TMEM30A: variants seen among roughly 807,000 people sequenced by gnomAD.
TMEM30A encodes cell division cycle 50 P4-ATPase accessory subunit A, also known as cell cycle control protein 50A.
In TMEM30A, 24 loss-of-function variants were observed where a neutral mutation model predicts 38.2. The observed-to-expected ratio is 0.63, with a 90% CI of 0.46 to 0.88. The LOEUF (loss-of-function observed/expected upper bound fraction) is 0.88. Ranked by LOEUF, TMEM30A falls within the 40% of genes least tolerant of loss-of-function variation. The pLI, the probability that TMEM30A is intolerant of heterozygous loss-of-function variation, is 0.00. For synonymous variants in TMEM30A, 145 were observed against 161.6 expected (o/e 0.90, Z 0.78); for missense variants, 370 against 458.6 (o/e 0.81, Z 1.77).
intron 3 of TMEM30A, 58 bp from the exon 4 acceptor site, chr6:75,260,969 TG>T: frequency 8.4e-7 from 1 of 1,187,324 alleles, no homozygotes; most frequent in Non-Finnish European, 1.2e-6. Flanking sequence ...GGGAGAACTA[TG>T]AGCTATCCCT....
At chr6:75,267,589 T>G in intron 2 of TMEM30A, 52 bp downstream of exon 2, 1 of 1,267,614 alleles carries the variant, frequency 7.9e-7, no homozygotes, top group Non-Finnish European at 1.1e-6. Flanking sequence ...TAGTACAGTA[T>G]CAGTATTTTT....
At chr6:75,258,182 G>A (rs240381) in intron 6 of TMEM30A, among the ~76,000 whole-genome samples, 144,438 of 152,288 alleles carry the variant, frequency 0.95, 68,515 homozygotes, top group East Asian at 0.98. Context: ...ATTCTGGTCT[G>A]TAATAGGGAG....
chr6:75,262,214 G>C (rs1441937146), intron 3 of TMEM30A, among the ~76,000 whole-genome samples: 1 of 152,150 alleles, frequency 6.6e-6, no homozygotes, highest in Non-Finnish European at 1.5e-5. Context: ...AGGCATGGTG[G>C]CGTGCACCTT....
intron 3 of TMEM30A, among the ~76,000 whole-genome samples, chr6:75,263,937 G>A (rs1772016617): frequency 6.6e-6 from 1 of 152,080 alleles, no homozygotes; most frequent in Non-Finnish European, 1.5e-5. Context: ...ACCATTTCTG[G>A]GGTTTTGGAA....
At chr6:75,277,458 G>A (rs1181995275) in intron 1 of TMEM30A, among the ~76,000 whole-genome samples, 1 of 152,150 alleles carries the variant, frequency 6.6e-6, no homozygotes, top group Non-Finnish European at 1.5e-5. Context: ...ATACAATTAA[G>A]CCAGACACAG....
chr6:75,272,577 G>A (rs1376255890), intron 1 of TMEM30A: 1 of 152,204 alleles, frequency 6.6e-6, no homozygotes, highest in Non-Finnish European at 1.5e-5. Flanking sequence ...AAATGCATAA[G>A]GGATAAATAT....
chr6:75,275,645 T>C (rs1428538308), intron 1 of TMEM30A, among the ~76,000 whole-genome samples: 3 of 152,242 alleles, frequency 2.0e-5, no homozygotes. Flanking sequence ...TTAGCTCTAC[T>C]TTCATAAATA....
intron 1 of TMEM30A, among the ~76,000 whole-genome samples, chr6:75,268,545 T>A (rs578009167): frequency 5.7e-4 from 87 of 152,280 alleles, no homozygotes; most frequent in African/African-American, 2.0e-3. Flanking sequence ...TCCACTAATG[T>A]GCTGGGAGGG....
intron 1 of TMEM30A, among the ~76,000 whole-genome samples, chr6:75,276,190 C>T (rs1480870010): frequency 6.6e-6 from 1 of 152,224 alleles, no homozygotes; most frequent in Non-Finnish European, 1.5e-5. Context: ...CAAACATCTC[C>T]TTTTACATCT....
chr6:75,269,776 C>A (rs776775380), intron 1 of TMEM30A, among the ~76,000 whole-genome samples: 1 of 152,206 alleles, frequency 6.6e-6, no homozygotes, highest in Middle Eastern at 3.4e-3. Flanking sequence ...CTCACTGCAA[C>A]CTCCGCCTCC....
chr6:75,265,142 T>C, intron 3 of TMEM30A, 89 bp downstream of exon 3: 1 of 832,936 alleles, frequency 1.2e-6, no homozygotes, highest in Non-Finnish European at 1.8e-6. Flanking sequence ...TGACAACACT[T>C]TAATTTCATC....
intron 1 of TMEM30A, among the ~76,000 whole-genome samples, chr6:75,281,624 G>A (rs1030840315): frequency 8.6e-5 from 13 of 152,030 alleles, no homozygotes; most frequent in African/African-American, 1.2e-4. Context: ...ACATTTCTGC[G>A]GGAATGAGAA....
chr6:75,278,402 G>C (rs1772296976), intron 1 of TMEM30A, among the ~76,000 whole-genome samples: 1 of 152,130 alleles, frequency 6.6e-6, no homozygotes, highest in Admixed American at 6.5e-5. Flanking sequence ...AGCCTCCCTT[G>C]TAGCTTGTGT....
At chr6:75,260,968 A>C in intron 3 of TMEM30A, 57 bp from the exon 4 acceptor site, 1 of 1,199,220 alleles carries the variant, frequency 8.3e-7, no homozygotes, top group Non-Finnish European at 1.2e-6. Flanking sequence ...TGGGAGAACT[A>C]TGAGCTATCC....
Position 75,256,268 on chromosome 6 carries a change from C to T in TMEM30A, c.920G>A (p.Arg307Gln), listed in dbSNP as rs778890689. The change falls in exon 7 of 7, where the codon CGA (arginine) becomes CAA (glutamine). Residue 307 changes from arginine (R) to glutamine (Q), a missense_variant. Physicochemically the swap from Arg to Gln is conservative, Grantham distance 43. Coordinates refer to ENST00000230461, the MANE Select transcript of TMEM30A (RefSeq NM_018247.4). ...YNYPVHYFDG[R>Q]KRMILSTISW... ...AATAGTGCTCAAGATCATCCGTTTT[C>T]GTCCATCAAAATAATGTACAGGGTA... The T allele has an allele frequency of 7.4e-6, 12 of 1,613,130 alleles. No homozygotes were observed. The highest frequency in any genetic ancestry group is 6.7e-5 in the Admixed American group (4 of 59,970).
At position 75,255,624 on chromosome 6, in the gene TMEM30A, G is replaced by A. The variant is rs1771854572; in HGVS notation, c.*478C>T. On this transcript the variant is annotated 3_prime_UTR_variant, in exon 7 of 7. Transcript: ENST00000230461. ...TTTAAGCATTTATACACATGAAAAT[G>A]ATGAAGTGTATTATTTAGATATGGT... 6.5e-6 allele frequency: 1 copy of A among 152,842 alleles called. No individual in the cohort carries two copies. 9.5% of individuals were successfully genotyped at this position (152,842 alleles called of 1,614,324 possible).
rs1198899142 is a variant in TMEM30A at position 75,253,415 on chromosome 6, A to C, written c.*2687T>G. 3.3e-5 allele frequency: 5 copies of C among 152,382 alleles called. No individual in the cohort carries two copies. In the East Asian group the frequency reaches 9.6e-4, roughly 29 times the overall value. 9.4% of individuals were successfully genotyped at this position (152,382 alleles called of 1,614,324 possible). A position where few individuals can be genotyped will look rare whatever the true frequency, so the allele number is the denominator to read the frequency against. On this transcript the variant is annotated 3_prime_UTR_variant, in exon 7 of 7. Transcript: ENST00000230461. ...ATGATAATCTGACCACTTCCTGGTA[A>C]GAACAAATGGTTAATGTTGTCACAG...
intron 1 of TMEM30A, among the ~76,000 whole-genome samples, chr6:75,277,512 G>A (rs967482364): frequency 2.0e-5 from 3 of 152,230 alleles, no homozygotes; most frequent in African/African-American, 7.2e-5. Context: ...GCCGAGGCAA[G>A]AAGATCACTT....
At chr6:75,266,743 T>C (rs1772074880) in intron 2 of TMEM30A, among the ~76,000 whole-genome samples, 1 of 152,240 alleles carries the variant, frequency 6.6e-6, no homozygotes, top group African/African-American at 2.4e-5. Context: ...TGTCTGCCCA[T>C]CACACTGAAA....
Sources: allele counts gnomAD v4.1 joint callset (sites outside exome capture counted in the v4.1 genomes callset), GRCh38; gene constraint gnomAD v4.1.1; transcripts MANE v1.5; gene names NCBI Gene and HGNC (gene_info 2026-07-23, HGNC 2026-07-21).